The following EBF1 variants were observed in gnomAD, a reference collection of about 807,000 sequenced individuals.
The protein encoded by EBF1 is EBF transcription factor 1.
EBF1 carries 10 observed loss-of-function variants against 68.4 expected under a neutral mutation model. That is an observed-to-expected ratio of 0.15 (90% CI 0.09 to 0.25). The LOEUF is 0.25. Among genes scored for constraint, EBF1 ranks in the 10% least tolerant of loss-of-function variants. The pLI is 1.00. For synonymous variants in EBF1, 298 were observed against 299.8 expected (o/e 0.99, Z 0.06); for missense variants, 509 against 794.4 (o/e 0.64, Z 4.32).
intron 6 of EBF1, among the ~76,000 whole-genome samples, chr5:158,921,258 T>C (rs1808371538): frequency 6.6e-6 from 1 of 152,200 alleles, no homozygotes; most frequent in African/African-American, 2.4e-5. Context: ...CCAGCACAAA[T>C]TCTATACAGC....
At chr5:158,971,115 T>A (rs1374118800) in intron 6 of EBF1, among the ~76,000 whole-genome samples, 4 of 152,266 alleles carry the variant, frequency 2.6e-5, no homozygotes, top group Admixed American at 1.3e-4. Flanking sequence ...AGTACATTTA[T>A]CATGGACTCA....
At chr5:159,039,878 C>T (rs545530969) in intron 6 of EBF1, among the ~76,000 whole-genome samples, 7 of 152,318 alleles carry the variant, frequency 4.6e-5, no homozygotes, top group African/African-American at 1.7e-4. Flanking sequence ...CCTTGATATA[C>T]ACAGCTAGGT....
intron 6 of EBF1, among the ~76,000 whole-genome samples, chr5:158,866,121 C>G (rs1416581656): frequency 6.6e-6 from 1 of 152,202 alleles, no homozygotes; most frequent in East Asian, 1.9e-4. Flanking sequence ...GGCCACAAAG[C>G]TAACTTGGGT....
intron 6 of EBF1, among the ~76,000 whole-genome samples, chr5:158,872,154 T>C (rs1796982563): frequency 6.6e-6 from 1 of 152,098 alleles, no homozygotes; most frequent in South Asian, 2.1e-4. Context: ...GCCTTTAGAC[T>C]GGACTTTCCT....
intron 6 of EBF1, among the ~76,000 whole-genome samples, chr5:158,899,283 G>A (rs967868266): frequency 5.9e-5 from 9 of 152,176 alleles, no homozygotes; most frequent in African/African-American, 2.2e-4. Context: ...CATCCTAGAT[G>A]TCTAATGATT....
intron 6 of EBF1, among the ~76,000 whole-genome samples, chr5:158,910,002 A>T (rs1180569380): frequency 1.3e-5 from 2 of 151,084 alleles, no homozygotes; most frequent in African/African-American, 4.9e-5. Flanking sequence ...GGGAAAGAAC[A>T]GAGCTGGAAC....
chr5:158,708,188 G>A lies in EBF1; in HGVS notation c.1550-15C>T. 6.4e-7 allele frequency: 1 copy of A among 1,563,490 alleles called. No homozygotes were observed. The highest frequency in any genetic ancestry group is 8.7e-7 in the Non-Finnish European group (1 of 1,153,070). On this transcript the variant is annotated splice_polypyrimidine_tract_variant and intron_variant, in intron 14 of 15. Transcript: ENST00000313708. ...GGATGGCACTACTGAGAGGGGCAAT[G>A]AGAAAGGAGAAATCAGTGCCTTTCA...
At chr5:158,876,054 T>C (rs1029007766) in intron 6 of EBF1, among the ~76,000 whole-genome samples, 4 of 152,230 alleles carry the variant, frequency 2.6e-5, no homozygotes, top group African/African-American at 9.6e-5. Context: ...CTGATCCAAC[T>C]GCTTCATTTT....
chr5:158,898,440 C>T (rs956265396), intron 6 of EBF1, among the ~76,000 whole-genome samples: 1 of 152,220 alleles, frequency 6.6e-6, no homozygotes, highest in African/African-American at 2.4e-5. Context: ...CAACCAGAAT[C>T]GGAAGTTCTA....
intron 10 of EBF1, among the ~76,000 whole-genome samples, chr5:158,732,469 C>T (rs1385566292): frequency 1.3e-5 from 2 of 151,992 alleles, no homozygotes; most frequent in Non-Finnish European, 2.9e-5. Flanking sequence ...GAATTTAGTA[C>T]ATAATTATAC....
intron 6 of EBF1, among the ~76,000 whole-genome samples, chr5:158,906,304 GA>G (rs1238469759): frequency 0.047 from 4,280 of 90,452 alleles, 53 homozygotes; most frequent in Admixed American, 0.075. Flanking sequence ...TGGCAATGCA[GA>G]AAAAAAAAAA....
intron 6 of EBF1, among the ~76,000 whole-genome samples, chr5:158,909,583 A>T (rs1394983022): frequency 6.6e-6 from 1 of 152,114 alleles, no homozygotes; most frequent in Non-Finnish European, 1.5e-5. Context: ...CTTCTAACAG[A>T]ACACTCTCCA....
rs1795644296 is a variant in EBF1 at position 158,865,075 on chromosome 5, A to C, written c.555-24965T>G. On this transcript the variant is annotated intron_variant, in intron 6 of 15. Transcript: ENST00000313708. ...ATCTCCTCCTTCCCTGAGACAACCC[A>C]AAAATAATTTAAATCAGAGAAACCG... Among the ~76,000 whole-genome samples, 2 of 152,126 alleles carry C rather than the reference A, an allele frequency of 1.3e-5. 1 individual carries two copies. Among genetic ancestry groups the C allele is most frequent in the South Asian group, 4.1e-4 (2 of 4,820 alleles).
chr5:159,062,664 G>A (rs1317494267), intron 6 of EBF1, among the ~76,000 whole-genome samples: 2 of 152,142 alleles, frequency 1.3e-5, no homozygotes, highest in Non-Finnish European at 2.9e-5. Flanking sequence ...CATAATAGAG[G>A]ATGGCTGAAT....
At chr5:158,954,839 G>A (rs1369393579) in intron 6 of EBF1, among the ~76,000 whole-genome samples, 1 of 152,204 alleles carries the variant, frequency 6.6e-6, no homozygotes, top group Non-Finnish European at 1.5e-5. Context: ...AGGCACTAAT[G>A]CTTCATGTGA....
intron 6 of EBF1, among the ~76,000 whole-genome samples, chr5:158,916,042 T>C (rs1807123694): frequency 6.6e-6 from 1 of 152,106 alleles, no homozygotes; most frequent in African/African-American, 2.4e-5. Context: ...GTAGGTGACC[T>C]CCTGACCGAC....
chr5:158,985,797 A>C (rs1460610393), intron 6 of EBF1: 2 of 152,266 alleles, frequency 1.3e-5, no homozygotes, highest in African/African-American at 4.8e-5. Flanking sequence ...TAAAGTCAGA[A>C]AGCCTGGACA....
At chr5:158,931,534 G>A (rs1021775400) in intron 6 of EBF1, among the ~76,000 whole-genome samples, 1 of 152,176 alleles carries the variant, frequency 6.6e-6, no homozygotes, top group African/African-American at 2.4e-5. Context: ...CTCAGGAAAT[G>A]CAAACATCAG....
At chr5:158,789,822 C>T (rs1778249095) in intron 9 of EBF1, among the ~76,000 whole-genome samples, 1 of 152,170 alleles carries the variant, frequency 6.6e-6, no homozygotes, top group Non-Finnish European at 1.5e-5. Context: ...TAGTCAACCA[C>T]TCTTGAATAT....
Sources: allele counts gnomAD v4.1 joint callset (sites outside exome capture counted in the v4.1 genomes callset), GRCh38; gene constraint gnomAD v4.1.1; transcripts MANE v1.5; gene names NCBI Gene and HGNC (gene_info 2026-07-23, HGNC 2026-07-21).